The following ZNF362 variants were observed in gnomAD, a reference collection of about 807,000 sequenced individuals.
ZNF362 encodes zinc finger protein 362.
Under a neutral mutation model 42.9 loss-of-function variants are expected in ZNF362, and 11 were observed. The ratio of observed to expected loss-of-function variants is 0.26; its 90% CI spans 0.16 to 0.42. The LOEUF (loss-of-function observed/expected upper bound fraction) is 0.42, where lower values mean the gene tolerates loss of function less well. ZNF362 is among the 20% of genes least tolerant of loss of function. ZNF362 has a pLI of 1.00. For synonymous variants in ZNF362, 255 were observed against 257.3 expected (o/e 0.99, Z 0.09); for missense variants, 362 against 576.2 (o/e 0.63, Z 3.81).
At chr1:33,274,657 A>G (rs930516563) in intron 2 of ZNF362, among the ~76,000 whole-genome samples, 3 of 152,180 alleles carry the variant, frequency 2.0e-5, no homozygotes, top group African/African-American at 4.8e-5. Context: ...AGGGGTAAGG[A>G]CATTTGCATA....
At chr1:33,195,611 GGTAA>G in the ZNF362 span, 1 of 150,490 alleles carries the variant, frequency 6.6e-6, no homozygotes, top group African/African-American at 2.4e-5. Flanking sequence ...GTAACACAAT[GGTAA>G]GTATTTGTGT....
At position 33,280,100 on chromosome 1, in the gene ZNF362, GC is replaced by G; in HGVS notation, c.350-19del. On this transcript the variant is annotated intron_variant, in intron 4 of 8. Coordinates refer to ENST00000539719, the MANE Select transcript of ZNF362 (RefSeq NM_152493.3). The surrounding 1 kb of genome is among the most constrained non-coding windows in gnomAD (Gnocchi z 5.6). ...GGCCTCTGCAGCTCCGCTCACCCCTGCCCCCACCCACCTGTCTTCGCAGGTC... is the reference window on the plus strand; with the variant it reads ...GGCCTCTGCAGCTCCGCTCACCCCTGCCCCACCCACCTGTCTTCGCAGGTC... 2 of 1,542,910 alleles carry G rather than the reference GC, an allele frequency of 1.3e-6. No homozygotes were observed.
At position 33,280,489 on chromosome 1, in the gene ZNF362, G is replaced by C. The variant is rs769573157; in HGVS notation, c.683+32G>C. The C allele has an allele frequency of 6.6e-7, 1 of 1,517,016 alleles. No individual in the cohort carries two copies. 94.0% of individuals were successfully genotyped at this position (1,517,016 alleles called of 1,614,324 possible). ...GTCTTGGCGGGATGGGGTCCGAGTG[G>C]GCTTGGGGCTGGGGCTTGAGCCAGG... On this transcript the variant is annotated intron_variant, in intron 5 of 8. Transcript: ENST00000539719. The surrounding 1 kb of genome is among the most constrained non-coding windows in gnomAD (Gnocchi z 5.6).
At position 33,300,146 on chromosome 1, in the gene ZNF362, C is replaced by A. The variant is rs1268766330; in HGVS notation, c.*1100C>A. 1 of 152,532 alleles carries A rather than the reference C, an allele frequency of 6.6e-6. No individual in the cohort carries two copies. The highest frequency in any genetic ancestry group is 2.4e-5 in the African/African-American group (1 of 41,390). 9.4% of individuals were successfully genotyped at this position (152,532 alleles called of 1,614,324 possible). A position where few individuals can be genotyped will look rare whatever the true frequency, so the allele number is the denominator to read the frequency against. On this transcript the variant is annotated 3_prime_UTR_variant, in exon 9 of 9. Transcript: ENST00000539719. ...AGCCCAGAGAAGCCCCCTACATCCC[C>A]CCGGGAAAAAAAAGAAAACTAGACA... is the stretch of plus-strand genomic sequence containing the variant.
chr1:33,246,395 G>A, the ZNF362 span, among the ~76,000 whole-genome samples: 2 of 152,190 alleles, frequency 1.3e-5, no homozygotes, highest in Non-Finnish European at 2.9e-5. Flanking sequence ...CTTGGGTTAT[G>A]TGACCCGCTG....
At chr1:33,292,132 C>T (rs1187732664) in intron 6 of ZNF362, among the ~76,000 whole-genome samples, 2 of 152,210 alleles carry the variant, frequency 1.3e-5, no homozygotes, top group African/African-American at 2.4e-5. Context: ...GAGAGGGCAT[C>T]CCTGTCTTGT....
intron 1 of ZNF362, among the ~76,000 whole-genome samples, chr1:33,263,504 A>G (rs1346177825): frequency 6.6e-6 from 1 of 150,790 alleles, no homozygotes; most frequent in Non-Finnish European, 1.5e-5. Context: ...TCCACCTTCC[A>G]GGCTTAAGCA....
the ZNF362 span, chr1:33,176,688 C>T: frequency 2.4e-6 from 1 of 408,798 alleles, no homozygotes. Context: ...AATTACCCAG[C>T]CCTCAGAGGT....
chr1:33,149,300 G>A, the ZNF362 span, among the ~76,000 whole-genome samples: 48 of 152,170 alleles, frequency 3.2e-4, no homozygotes, highest in African/African-American at 1.2e-3. Context: ...TTATAGGCAC[G>A]CGCCACCACG....
At chr1:33,295,869 C>T (rs759716506) in intron 8 of ZNF362, among the ~76,000 whole-genome samples, 48 of 152,148 alleles carry the variant, frequency 3.2e-4, no homozygotes, top group East Asian at 1.9e-4. Flanking sequence ...TAACAGACCC[C>T]GTATCCCCGA....
the ZNF362 span, among the ~76,000 whole-genome samples, chr1:33,185,808 T>G: frequency 2.0e-5 from 3 of 151,846 alleles, no homozygotes; most frequent in African/African-American, 7.3e-5. Flanking sequence ...TATTGTTGAG[T>G]GAGAAAAAGA....
intron 6 of ZNF362, among the ~76,000 whole-genome samples, chr1:33,289,055 G>A (rs957581552): frequency 1.3e-5 from 2 of 152,180 alleles, no homozygotes; most frequent in African/African-American, 4.8e-5. Context: ...GCAGGCCCCT[G>A]CCACTGTGAC....
the ZNF362 span, among the ~76,000 whole-genome samples, chr1:33,237,417 TG>T: frequency 4.6e-5 from 7 of 152,144 alleles, no homozygotes. Context: ...TCTCTTTCTG[TG>T]TGTCAGCATC....
At chr1:33,171,931 G>T in the ZNF362 span, among the ~76,000 whole-genome samples, 1 of 152,050 alleles carries the variant, frequency 6.6e-6, no homozygotes, top group Admixed American at 6.6e-5. Flanking sequence ...ATAGGCGCCC[G>T]ACACCACGCC....
chr1:33,249,781 G>A, the ZNF362 span, among the ~76,000 whole-genome samples: 1 of 152,190 alleles, frequency 6.6e-6, no homozygotes, highest in South Asian at 2.1e-4. Context: ...TTCCAAGGGA[G>A]GCAAGGTGGG....
intron 4 of ZNF362, among the ~76,000 whole-genome samples, 159 bp from the exon 5 acceptor site, chr1:33,279,965 G>A (rs1476741693): frequency 6.6e-6 from 1 of 152,108 alleles, no homozygotes; most frequent in African/African-American, 2.4e-5. Context: ...GGTGTCTAAG[G>A]CATCTTACAC....
At chr1:33,189,664 T>TATATACAC in the ZNF362 span, among the ~76,000 whole-genome samples, 1,538 of 19,650 alleles carry the variant, frequency 0.078, 153 homozygotes, top group Non-Finnish European at 0.13. Context: ...TATATATATA[T>TATATACAC]ATATATATGT....
At chr1:33,218,315 C>A in the ZNF362 span, among the ~76,000 whole-genome samples, 1 of 152,124 alleles carries the variant, frequency 6.6e-6, no homozygotes, top group African/African-American at 2.4e-5. Flanking sequence ...GTGGTGTATG[C>A]CTATGGTCCA....
upstream of ZNF362, chr1:33,256,458 C>CGCCGCG (rs1170647938): frequency 5.9e-6 from 1 of 168,670 alleles, no homozygotes; most frequent in Non-Finnish European, 1.2e-5. Flanking sequence ...CTCCCGCCGC[C>CGCCGCG]GCCGCCGCCG....
Sources: gnomAD v4.1 joint callset for allele counts (sites outside exome capture counted in the v4.1 genomes callset) on GRCh38, gnomAD v4.1.1 for gene constraint, Gnocchi (gnomAD v3.1) non-coding constraint, MANE v1.5 for transcripts, NCBI Gene and HGNC (gene_info 2026-07-23, HGNC 2026-07-21) for gene names.